Variants in GRM7 observed in about 807,000 individuals in gnomAD.
GRM7 encodes glutamate metabotropic receptor 7.
GRM7 carries 35 observed loss-of-function variants against 84.5 expected under a neutral mutation model. The ratio of observed to expected loss-of-function variants is 0.41; its 90% confidence interval spans 0.32 to 0.55. GRM7 has a LOEUF of 0.55. Ranked by LOEUF, GRM7 falls within the 20% of genes least tolerant of loss-of-function variation. GRM7 has a pLI of 0.19. For synonymous variants in GRM7, 487 were observed against 455.1 expected, an observed-to-expected ratio of 1.07 and a Z score of -0.89; for missense variants, 1,003 against 1,194.6, an observed-to-expected ratio of 0.84 and a Z score of 2.36.
intron 1 of GRM7, among the ~76,000 whole-genome samples, chr3:6,869,422 A>G (rs1457053293): frequency 6.6e-6 from 1 of 152,222 alleles, no homozygotes; most frequent in Non-Finnish European, 1.5e-5. Flanking sequence ...AAGTTATCAG[A>G]TGGACATTAA....
intron 1 of GRM7, among the ~76,000 whole-genome samples, chr3:7,133,864 G>A (rs1693682992): frequency 6.6e-6 from 1 of 152,104 alleles, no homozygotes; most frequent in South Asian, 2.1e-4. Flanking sequence ...GTTACTCTAG[G>A]TAAGTGTATG....
intron 7 of GRM7, among the ~76,000 whole-genome samples, chr3:7,464,864 C>G (rs188599407): frequency 6.7e-6 from 1 of 149,982 alleles, no homozygotes; most frequent in African/African-American, 2.5e-5. Context: ...AGCATGGTGG[C>G]GCACACCTGT....
intron 2 of GRM7, among the ~76,000 whole-genome samples, chr3:7,162,794 C>T: frequency 1.2e-5 from 1 of 81,726 alleles, no homozygotes; most frequent in Admixed American, 2.1e-4. Context: ...GAGTCTCATT[C>T]TGTTGCCCAG....
At chr3:7,020,834 T>A (rs1006980160) in intron 1 of GRM7, among the ~76,000 whole-genome samples, 1 of 152,168 alleles carries the variant, frequency 6.6e-6, no homozygotes, top group African/African-American at 2.4e-5. Context: ...TAAGATGCAA[T>A]CTCTTGTCTA....
chr3:7,232,260 A>G (rs1697217876), intron 2 of GRM7, among the ~76,000 whole-genome samples: 1 of 152,138 alleles, frequency 6.6e-6, no homozygotes, highest in South Asian at 2.1e-4. Context: ...TAAAAAAAAA[A>G]AAAGTTGAAT....
chr3:7,082,350 A>T (rs1347655667), intron 1 of GRM7, among the ~76,000 whole-genome samples: 1 of 152,104 alleles, frequency 6.6e-6, no homozygotes, highest in African/African-American at 2.4e-5. Flanking sequence ...CAAAACCTGG[A>T]TGACAGCACA....
intron 8 of GRM7, among the ~76,000 whole-genome samples, chr3:7,672,601 CTTTTT>C (rs773468950): frequency 3.4e-5 from 4 of 116,982 alleles, no homozygotes; most frequent in East Asian, 2.2e-4. Flanking sequence ...TTTTAATATA[CTTTTT>C]TTTTTTTTTT....
chr3:7,567,532 G>A (rs1575501886), intron 7 of GRM7, among the ~76,000 whole-genome samples: 1 of 152,014 alleles, frequency 6.6e-6, no homozygotes, highest in Non-Finnish European at 1.5e-5. Flanking sequence ...TGGATTGCAT[G>A]AGGCCAGGAG....
intron 2 of GRM7, among the ~76,000 whole-genome samples, chr3:7,208,498 T>A (rs1170521625): frequency 6.6e-6 from 1 of 152,196 alleles, no homozygotes. Flanking sequence ...AAATCTATAT[T>A]GAGCCCCTTC....
At chr3:7,432,033 C>G (rs561031870) in intron 5 of GRM7, among the ~76,000 whole-genome samples, 2 of 152,048 alleles carry the variant, frequency 1.3e-5, no homozygotes, top group South Asian at 2.1e-4. Context: ...CAAAGGGCCC[C>G]GAACAAGCTA....
rs542340804 is a variant in GRM7, at chr3:7,081,832, A to T, written c.520-64620A>T. On this transcript the variant is annotated intron_variant, in intron 1 of 9. Transcript: ENST00000357716. ...AGTGGTGTGGATAGAAAATCCAACC[A>T]GCCACAACACTCCCTTAAGCCAAAG... Among the ~76,000 whole-genome samples the T allele has an allele frequency of 8.5e-5, 13 of 152,248 alleles. No homozygotes were observed. In the East Asian group the frequency reaches 2.5e-3, roughly 29 times the overall value.
chr3:7,075,446 A>T (rs1452305288), intron 1 of GRM7, among the ~76,000 whole-genome samples: 1 of 151,226 alleles, frequency 6.6e-6, no homozygotes, highest in Non-Finnish European at 1.5e-5. Flanking sequence ...CTCCACGTGG[A>T]TAAGTTCCTT....
chr3:7,023,725 G>A (rs1695866340), intron 1 of GRM7, among the ~76,000 whole-genome samples: 1 of 152,138 alleles, frequency 6.6e-6, no homozygotes, highest in Non-Finnish European at 1.5e-5. Flanking sequence ...TCATCACACA[G>A]TGTTCTCCCT....
At chr3:7,008,583 T>A (rs755593411) in intron 1 of GRM7, among the ~76,000 whole-genome samples, 1 of 152,192 alleles carries the variant, frequency 6.6e-6, no homozygotes, top group African/African-American at 2.4e-5. Context: ...TTAAATACCA[T>A]CTTCTTAAAA....
chr3:7,062,033 T>G (rs1697448560), intron 1 of GRM7, among the ~76,000 whole-genome samples: 1 of 151,702 alleles, frequency 6.6e-6, no homozygotes, highest in East Asian at 1.9e-4. Flanking sequence ...CAGCTTCCTG[T>G]TTGGATACCC....
intron 8 of GRM7, among the ~76,000 whole-genome samples, chr3:7,644,364 A>G (rs1314072310): frequency 6.6e-6 from 1 of 152,130 alleles, no homozygotes; most frequent in Non-Finnish European, 1.5e-5. Context: ...TTCTACAACC[A>G]CAGACCTTCT....
At chr3:7,117,433 G>A (rs17046810) in intron 1 of GRM7, among the ~76,000 whole-genome samples, 3,752 of 152,208 alleles carry the variant, frequency 0.025, 154 homozygotes, top group African/African-American at 0.086. Flanking sequence ...ACTAACCCAC[G>A]TGTATCTCTG....
intron 9 of GRM7, among the ~76,000 whole-genome samples, chr3:7,720,511 G>A (rs538092332): frequency 1.3e-5 from 2 of 152,264 alleles, no homozygotes; most frequent in African/African-American, 4.8e-5. Context: ...GCCAGGCTTT[G>A]CTGCCAGGGG....
chr3:7,390,674 C>T (rs1037346309), intron 4 of GRM7, among the ~76,000 whole-genome samples: 7 of 151,828 alleles, frequency 4.6e-5, no homozygotes, highest in South Asian at 2.1e-4. Context: ...TTTTAAATTC[C>T]TGTAGTGAAT....
Sources: allele counts gnomAD v4.1 joint callset (sites outside exome capture counted in the v4.1 genomes callset), GRCh38; gene constraint gnomAD v4.1.1; transcripts MANE v1.5; gene names NCBI Gene and HGNC (gene_info 2026-07-23, HGNC 2026-07-21).